Variants in IGDCC4 observed in about 807,000 individuals in gnomAD.
The protein encoded by IGDCC4 is immunoglobulin superfamily DCC subclass member 4.
IGDCC4 carries 72 observed loss-of-function variants against 116.6 expected under a neutral mutation model. The observed-to-expected ratio is 0.62, with a 90% CI of 0.51 to 0.75. IGDCC4 has a LOEUF of 0.75. Among genes scored for constraint, IGDCC4 ranks in the 30% least tolerant of loss-of-function variants. The probability of loss-of-function intolerance (pLI) is 0.00; values close to 1 mark genes in which losing one functional copy is unlikely to be tolerated. For missense variants in IGDCC4, 1,501 were observed against 1,662.4 expected (o/e 0.90, Z 1.69); for synonymous variants, 709 against 719.9 (o/e 0.98, Z 0.24).
intron 5 of IGDCC4, among the ~76,000 whole-genome samples, 157 bp downstream of exon 5, chr15:65,400,649 C>T (rs1286765065): frequency 6.6e-6 from 1 of 152,190 alleles, no homozygotes. Context: ...CAGCTCCGAC[C>T]TTGACCACCA....
intron 3 of IGDCC4, 37 bp from the exon 4 acceptor site, chr15:65,402,524 A>G: frequency 1.3e-6 from 2 of 1,555,488 alleles, no homozygotes; most frequent in East Asian, 2.4e-5. Context: ...TGAGGTGGGC[A>G]GGGGGGCCAC....
chr15:65,398,351 T>G (rs572514574), intron 5 of IGDCC4, among the ~76,000 whole-genome samples: 1 of 150,046 alleles, frequency 6.7e-6, no homozygotes, highest in African/African-American at 2.5e-5. Context: ...CTGGCTAACA[T>G]GGCAAAACCC....
intron 1 of IGDCC4, among the ~76,000 whole-genome samples, chr15:65,422,481 A>C (rs1428513557): frequency 2.0e-5 from 3 of 147,744 alleles, no homozygotes; most frequent in African/African-American, 7.6e-5. Context: ...CCACGCCGCG[A>C]CCATGGCACG....
intron 7 of IGDCC4, among the ~76,000 whole-genome samples, chr15:65,395,522 C>G (rs934181515): frequency 1.8e-4 from 28 of 152,158 alleles, no homozygotes; most frequent in Non-Finnish European, 7.3e-5. Context: ...AACGTCCTCT[C>G]CCTCCTCTCT....
chr15:65,384,787 G>A lies in IGDCC4; in HGVS notation c.3342+167C>T, dbSNP rs1364761301. 3 of 870,164 alleles carry A rather than the reference G, an allele frequency of 3.4e-6. No homozygotes were observed. The highest frequency in any genetic ancestry group is 3.8e-5 in the South Asian group (2 of 52,590). 53.9% of individuals were successfully genotyped at this position (870,164 alleles called of 1,614,324 possible). A position where few individuals can be genotyped will look rare whatever the true frequency, so the allele number is the denominator to read the frequency against. On this transcript the variant is annotated intron_variant, in intron 19 of 19. Coordinates refer to ENST00000352385, the MANE Select transcript of IGDCC4 (RefSeq NM_020962.3). The surrounding 1 kb of genome is among the most constrained non-coding windows in gnomAD (Gnocchi z 4.9). Reference sequence around the variant, plus strand: ...GGTTGAAACAGGTTCCTGCAAACTGGCCTGCCCTCCACCTACTCAACCTTT... The same window carrying A: ...GGTTGAAACAGGTTCCTGCAAACTGACCTGCCCTCCACCTACTCAACCTTT...
chr15:65,398,553 A>AAG (rs1555435285), intron 5 of IGDCC4, among the ~76,000 whole-genome samples: 32 of 124,398 alleles, frequency 2.6e-4, no homozygotes, highest in African/African-American at 1.0e-3. Flanking sequence ...AAAAAAAAAA[A>AAG]AAAGAAAGAA....
At chr15:65,412,304 G>A (rs897933477) in intron 1 of IGDCC4, among the ~76,000 whole-genome samples, 2 of 151,682 alleles carry the variant, frequency 1.3e-5, no homozygotes, top group African/African-American at 4.8e-5. Context: ...ATGATGTCAG[G>A]AGTTCAAGAC....
intron 1 of IGDCC4, among the ~76,000 whole-genome samples, chr15:65,420,769 G>C (rs969948472): frequency 2.0e-5 from 3 of 151,990 alleles, no homozygotes; most frequent in African/African-American, 7.3e-5. Context: ...CCTTCTACAG[G>C]GCTAACTCCA....
At chr15:65,407,246 GA>G (rs890896264) in intron 3 of IGDCC4, among the ~76,000 whole-genome samples, 13 of 138,440 alleles carry the variant, frequency 9.4e-5, no homozygotes, top group Non-Finnish European at 1.4e-4. Flanking sequence ...AGTGGTAAGT[GA>G]AAAAAAAATT....
At position 65,391,900 on chromosome 15, in the gene IGDCC4, G is replaced by A. The variant is rs762991529; in HGVS notation, c.2204C>T (p.Thr735Met). The stretch of plus-strand genomic sequence containing the variant: ...CTCACCTGGTGCCGGCGCCTTCTCC[G>A]TCTTGCCCTTCCACACTGCTGCATA... ...DGYAAVWKGK[T>M]EKAPAPDMPI... The change falls in exon 12 of 20, where the codon ACG becomes ATG. Residue 735 changes from threonine to methionine, a missense_variant. Thr to Met is a moderately conservative substitution (Grantham distance 81, BLOSUM62 -1). Coordinates refer to ENST00000352385, the MANE Select transcript of IGDCC4 (RefSeq NM_020962.3). 1.7e-5 allele frequency: 28 copies of A among 1,613,578 alleles called. No individual in the cohort carries two copies. The East Asian group carries it at 3.8e-4, about 22-fold the overall frequency.
chr15:65,402,218 G>T, intron 4 of IGDCC4, 133 bp downstream of exon 4: 3 of 1,071,118 alleles, frequency 2.8e-6, no homozygotes, highest in South Asian at 1.7e-5. Flanking sequence ...GGGCTTCATC[G>T]CCTCACCAGT....
At chr15:65,419,881 G>T (rs1266456411) in intron 1 of IGDCC4, among the ~76,000 whole-genome samples, 1 of 152,168 alleles carries the variant, frequency 6.6e-6, no homozygotes, top group Non-Finnish European at 1.5e-5. Flanking sequence ...GGAGGAGATG[G>T]GCAGGCACAG....
rs1403762538 is a variant in IGDCC4 at position 65,392,182 on chromosome 15, G to A, written c.2074C>T (p.Pro692Ser). The A allele has an allele frequency of 1.2e-6, 2 of 1,613,746 alleles. No homozygotes were observed. Among genetic ancestry groups the A allele is most frequent in the Non-Finnish European group, 1.7e-6 (2 of 1,179,900 alleles). The change falls in exon 11 of 20, where the codon CCT (proline) becomes TCT (serine). Residue 692 changes from proline (P) to serine (S), a missense_variant. Coordinates refer to ENST00000352385, the MANE Select transcript of IGDCC4 (RefSeq NM_020962.3). ...TTCACTTTCTTCTTGAGCCGGACAG[G>A]CCCCACATCCCAAGCCTGGTCTCCA... Reference protein sequence around the residue: ...GRGDQAWDVGPVRLKKKVKQY... With the variant: ...GRGDQAWDVGSVRLKKKVKQY...
At chr15:65,399,494 G>A (rs986268572) in intron 5 of IGDCC4, among the ~76,000 whole-genome samples, 7 of 150,738 alleles carry the variant, frequency 4.6e-5, no homozygotes, top group Admixed American at 1.3e-4. Flanking sequence ...ACGACTCTCC[G>A]GGGTGAAGAA....
intron 3 of IGDCC4, among the ~76,000 whole-genome samples, chr15:65,406,332 T>C (rs2063040982): frequency 6.6e-6 from 1 of 152,248 alleles, no homozygotes; most frequent in African/African-American, 2.4e-5. Flanking sequence ...GTTGTGTAAA[T>C]GGTATAAGTA....
rs1163303117 is a variant in IGDCC4, at chr15:65,402,307, GTTCCAGAAACCCCCAGGT to G, written c.700+26_700+43del. ...GTCCCTCCCAGCTCTGAGGTGGCTG[GTTCCAGAAACCCCCAGGT>G]TTCCCCACCCAGCCAGCCCCCTTAC... On this transcript the variant is annotated intron_variant, in intron 4 of 19. Transcript: ENST00000352385. 7 of 1,548,600 alleles carry G rather than the reference GTTCCAGAAACCCCCAGGT, an allele frequency of 4.5e-6. No individual in the cohort carries two copies. In the South Asian group the frequency reaches 7.2e-5, roughly 16 times the overall value.
rs2091421880 is a variant in IGDCC4, at chr15:65,383,571, G to C, written c.*438C>G. The C allele has an allele frequency of 6.4e-6, 1 of 156,144 alleles. No individual in the cohort carries two copies. The highest frequency in any genetic ancestry group is 2.4e-5 in the African/African-American group (1 of 41,606). The allele number at this position is 156,144 out of a possible 1,614,324, so 9.7% of individuals were successfully genotyped here. On this transcript the variant is annotated 3_prime_UTR_variant, in exon 20 of 20. Coordinates refer to ENST00000352385, the MANE Select transcript of IGDCC4 (RefSeq NM_020962.3). ...CCAGACAGGAGAATGGGCTGGGACT[G>C]TCTTTGTCAGACAGGCATTGGAGAC...
rs139111745 is a variant in IGDCC4, at chr15:65,409,748, T to C, written c.563+430A>G. Among the ~76,000 whole-genome samples the C allele has an allele frequency of 7.0e-3, 1,068 of 152,328 alleles. 13 individuals carry two copies. The highest frequency in any genetic ancestry group is 0.025 in the African/African-American group (1,024 of 41,570). On this transcript the variant is annotated intron_variant, in intron 3 of 19. Coordinates refer to ENST00000352385, the MANE Select transcript of IGDCC4 (RefSeq NM_020962.3). ...GGAATTGAGAGAGGAAGAGAAGTTATGCATCTAGAGTGGAAACTCCGGAGG... is the reference window on the plus strand; with the variant it reads ...GGAATTGAGAGAGGAAGAGAAGTTACGCATCTAGAGTGGAAACTCCGGAGG...
At position 65,384,510 on chromosome 15, in the gene IGDCC4, C is replaced by T. The variant is rs949630673; in HGVS notation, c.3343-91G>A. On this transcript the variant is annotated intron_variant, in intron 19 of 19. Transcript: ENST00000352385. The surrounding 1 kb of genome is among the most constrained non-coding windows in gnomAD (Gnocchi z 4.9). ...CGTACGTGGGGCAGAAAGTCTGACC[C>T]TCCATCAGAGTAAGTATCACATGGG... 5.4e-6 allele frequency: 7 copies of T among 1,285,680 alleles called. No individual in the cohort carries two copies. The highest frequency in any genetic ancestry group is 7.3e-6 in the Non-Finnish European group (7 of 953,378). The allele number at this position is 1,285,680 out of a possible 1,614,324, so 79.6% of individuals were successfully genotyped here.
Sources: allele counts gnomAD v4.1 joint callset (sites outside exome capture counted in the v4.1 genomes callset), GRCh38; gene constraint gnomAD v4.1.1; non-coding constraint Gnocchi (gnomAD v3.1); transcripts MANE v1.5; gene names NCBI Gene and HGNC (gene_info 2026-07-23, HGNC 2026-07-21).